Variants in KCNMB3 observed in about 807,000 individuals in gnomAD.
The protein encoded by KCNMB3 is calcium-activated potassium channel subunit beta-3.
A neutral mutation model predicts 11.9 loss-of-function variants in KCNMB3; 18 were observed. The observed-to-expected ratio is 1.51, with a 90% CI of 1.04 to 2.23. The LOEUF (loss-of-function observed/expected upper bound fraction) is 2.23, where lower values mean the gene tolerates loss of function less well. Among genes scored for constraint, KCNMB3 ranks in the 30% most tolerant of loss-of-function variants. The pLI, the probability that KCNMB3 is intolerant of heterozygous loss-of-function variation, is 0.00. For synonymous variants in KCNMB3, 78 were observed against 119.2 expected, an observed-to-expected ratio of 0.65 and a Z score of 2.25; for missense variants, 247 against 329.4, an observed-to-expected ratio of 0.75 and a Z score of 1.94.
At chr3:179,247,730 T>C (rs189651152) in intron 1 of KCNMB3, among the ~76,000 whole-genome samples, 1 of 152,192 alleles carries the variant, frequency 6.6e-6, no homozygotes, top group Non-Finnish European at 1.5e-5. Context: ...AAGCTTCTTC[T>C]GGAATTCTTC....
At chr3:179,245,534 C>T (rs1477268225) in intron 1 of KCNMB3, among the ~76,000 whole-genome samples, 1 of 150,518 alleles carries the variant, frequency 6.6e-6, no homozygotes, top group African/African-American at 2.4e-5. Context: ...GATGGAGTTT[C>T]GCTCTTGTTG....
At chr3:179,252,433 T>C (rs116317364), upstream of KCNMB3, among the ~76,000 whole-genome samples, 1 of 152,118 alleles carries the variant, frequency 6.6e-6, no homozygotes, top group Non-Finnish European at 1.5e-5. Context: ...CCCACAAGCA[T>C]AGTTTATGCC....
At chr3:179,257,887 TGTGTGTGTGTG>T (rs1726068309) in intron 1 of KCNMB3, among the ~76,000 whole-genome samples, 1 of 151,508 alleles carries the variant, frequency 6.6e-6, no homozygotes, top group East Asian at 2.0e-4. Context: ...TGTGTGTGTG[TGTGTGTGTGTG>T]TTTTTTAGAC....
At chr3:179,263,800 CTTTTTTT>C (rs60270913) in intron 1 of KCNMB3, among the ~76,000 whole-genome samples, 7 of 59,978 alleles carry the variant, frequency 1.2e-4, no homozygotes, top group Non-Finnish European at 2.0e-4. Flanking sequence ...TTTTTCTTTT[CTTTTTTT>C]TTTTTTTTTT....
At chr3:179,245,326 C>G (rs1292984945) in intron 1 of KCNMB3, among the ~76,000 whole-genome samples, 6 of 152,298 alleles carry the variant, frequency 3.9e-5, no homozygotes, top group Admixed American at 3.3e-4. Flanking sequence ...ATACCCACTA[C>G]TTCCAAAGAG....
intron 1 of KCNMB3, chr3:179,260,690 T>C: frequency 2.2e-6 from 3 of 1,387,822 alleles, no homozygotes; most frequent in South Asian, 1.2e-5. Flanking sequence ...GATTATTCCA[T>C]GTTTCTCGAG....
chr3:179,249,891 G>T (rs545994255), intron 1 of KCNMB3, among the ~76,000 whole-genome samples: 2 of 152,156 alleles, frequency 1.3e-5, no homozygotes, highest in East Asian at 1.9e-4. Flanking sequence ...AGTGGAGTAG[G>T]GGGAGGGAGA....
chr3:179,264,719 G>A (rs918163763), intron 1 of KCNMB3, among the ~76,000 whole-genome samples: 4 of 152,154 alleles, frequency 2.6e-5, no homozygotes, highest in Non-Finnish European at 5.9e-5. Context: ...ACTTTTGCAA[G>A]AAGTATTCCT....
At chr3:179,246,363 G>A (rs1725643073) in intron 1 of KCNMB3, among the ~76,000 whole-genome samples, 1 of 151,942 alleles carries the variant, frequency 6.6e-6, no homozygotes, top group South Asian at 2.1e-4. Flanking sequence ...AGTGAGCCAA[G>A]ATTGTGCCAC....
chr3:179,259,653 T>G, intron 1 of KCNMB3: 1 of 1,609,364 alleles, frequency 6.2e-7, no homozygotes, highest in Non-Finnish European at 8.5e-7. Context: ...ATCTGTGTTC[T>G]GATAAGTTAA....
chr3:179,240,303 A>C, downstream of KCNMB3: 1 of 446,990 alleles, frequency 2.2e-6, no homozygotes, highest in East Asian at 3.6e-5. Flanking sequence ...CAGTAAAGTG[A>C]TGAATATTAA....
At chr3:179,253,678 C>A (rs981439534), upstream of KCNMB3, among the ~76,000 whole-genome samples, 3 of 151,970 alleles carry the variant, frequency 2.0e-5, no homozygotes, top group African/African-American at 7.3e-5. Context: ...CGGTGGCATG[C>A]GCCTGTAATC....
At chr3:179,240,182 G>T, downstream of KCNMB3, 2 of 632,170 alleles carry the variant, frequency 3.2e-6, no homozygotes, top group Admixed American at 3.4e-5. Flanking sequence ...AAGCAAGCCG[G>T]TGTTGCTAAT....
intron 1 of KCNMB3, among the ~76,000 whole-genome samples, chr3:179,264,827 T>C (rs774078271): frequency 1.7e-4 from 26 of 152,246 alleles, no homozygotes; most frequent in Non-Finnish European, 3.5e-4. Flanking sequence ...GTACACTATA[T>C]TAATATTTCC....
chr3:179,259,937 CTCT>C (rs1326293414), intron 1 of KCNMB3: 4 of 1,613,186 alleles, frequency 2.5e-6, no homozygotes, highest in East Asian at 4.5e-5. Context: ...TTTCTTCACC[CTCT>C]TCTTCGTTGT....
At chr3:179,250,632 C>A in intron 1 of KCNMB3, 111 bp downstream of exon 1, 1 of 1,102,400 alleles carries the variant, frequency 9.1e-7, no homozygotes, top group Non-Finnish European at 1.3e-6. Flanking sequence ...TTTTCTAGAC[C>A]ATGGCAGAGA....
chr3:179,252,275 T>C (rs916825434), upstream of KCNMB3, among the ~76,000 whole-genome samples: 5 of 152,222 alleles, frequency 3.3e-5, no homozygotes, highest in East Asian at 5.8e-4. Context: ...TCCAGAAGTA[T>C]CTCCATTTTA....
chr3:179,266,694 A>C (rs1044908513), exon 1 of KCNMB3: 1 of 1,614,036 alleles, frequency 6.2e-7, no homozygotes, highest in African/African-American at 1.3e-5. Context: ...TTGCACGGGG[A>C]TGCTGAAGGG....
chr3:179,258,030 G>A (rs1372814777), intron 1 of KCNMB3, among the ~76,000 whole-genome samples: 13 of 152,076 alleles, frequency 8.5e-5, no homozygotes, highest in Admixed American at 2.0e-4. Flanking sequence ...GATTACAGGC[G>A]CCCACCACCA....
Sources: allele counts gnomAD v4.1 joint callset (sites outside exome capture counted in the v4.1 genomes callset), GRCh38; gene constraint gnomAD v4.1.1; transcripts MANE v1.5; gene names NCBI Gene and HGNC (gene_info 2026-07-23, HGNC 2026-07-21).